ZNF407: variants seen among roughly 807,000 people sequenced by gnomAD.
ZNF407 encodes the protein zinc finger protein 407.
A neutral mutation model predicts 131.2 loss-of-function variants in ZNF407; 17 were observed. The observed-to-expected ratio is 0.13, with a 90% CI of 0.09 to 0.19. The LOEUF (loss-of-function observed/expected upper bound fraction) is 0.19. Among genes scored for constraint, ZNF407 ranks in the 10% least tolerant of loss-of-function variants. The pLI is 1.00. For missense variants in ZNF407, 2,681 were observed against 2,830.6 expected (o/e 0.95, Z 1.20); for synonymous variants, 1,156 against 1,062.0 (o/e 1.09, Z -1.72).
At chr18:74,978,849 G>C (rs1202322953) in intron 8 of ZNF407, among the ~76,000 whole-genome samples, 2 of 152,254 alleles carry the variant, frequency 1.3e-5, no homozygotes, top group East Asian at 3.9e-4. Context: ...GCCCGGGATT[G>C]AGTATATCAT....
At chr18:74,821,540 G>A (rs996468904) in intron 4 of ZNF407, among the ~76,000 whole-genome samples, 4 of 151,760 alleles carry the variant, frequency 2.6e-5, no homozygotes, top group Non-Finnish European at 4.4e-5. Context: ...CTGTTCTTGT[G>A]TGAGTTTGCT....
chr18:74,805,119 G>A (rs1045236763), intron 4 of ZNF407, among the ~76,000 whole-genome samples: 7 of 152,146 alleles, frequency 4.6e-5, no homozygotes, highest in African/African-American at 7.2e-5. Context: ...GTTATAGGAG[G>A]TGCATTTTTG....
intron 8 of ZNF407, among the ~76,000 whole-genome samples, chr18:75,031,249 A>G (rs751121914): frequency 5.3e-5 from 8 of 152,242 alleles, no homozygotes; most frequent in Non-Finnish European, 1.0e-4. Flanking sequence ...AGCTTCAGGT[A>G]ACAGGAAAAC....
In ZNF407 at chr18:74,837,792, T is replaced by TA. The variant is rs566808676; in HGVS notation, c.4878-39404dup. On this transcript the variant is annotated intron_variant, in intron 4 of 8. Coordinates refer to ENST00000299687, the MANE Select transcript of ZNF407 (RefSeq NM_017757.3). ...CTCAGCCTTCTGAGTAGCTGAGACT[T>TA]ACAGGTATCCACCATCACACCCAGC... Among the ~76,000 whole-genome samples, 44 of 152,218 alleles carry TA rather than the reference T, an allele frequency of 2.9e-4. No homozygotes were observed. The East Asian group carries it at 7.4e-3, about 25-fold the overall frequency.
chr18:74,924,387 C>G (rs1367740101), intron 8 of ZNF407, among the ~76,000 whole-genome samples: 1 of 151,862 alleles, frequency 6.6e-6, no homozygotes, highest in African/African-American at 2.4e-5. Flanking sequence ...TAGGCCCAAT[C>G]TAGGTCTAAT....
At chr18:74,971,102 G>C (rs1452896468) in intron 8 of ZNF407, among the ~76,000 whole-genome samples, 1 of 152,182 alleles carries the variant, frequency 6.6e-6, no homozygotes, top group Admixed American at 6.5e-5. Context: ...GGAGTGGCTG[G>C]GACACAGGGC....
At chr18:74,619,896 T>C (rs1983447076) in intron 1 of ZNF407, among the ~76,000 whole-genome samples, 1 of 152,192 alleles carries the variant, frequency 6.6e-6, no homozygotes, top group African/African-American at 2.4e-5. Context: ...AAAACAACCT[T>C]TTTCAAATGG....
chr18:74,965,809 CT>C (rs1972402860), intron 8 of ZNF407, among the ~76,000 whole-genome samples: 1 of 152,182 alleles, frequency 6.6e-6, no homozygotes, highest in Non-Finnish European at 1.5e-5. Flanking sequence ...TCCACATTTT[CT>C]TTGGCATTTT....
chr18:74,972,176 A>G (rs1972480251), intron 8 of ZNF407, among the ~76,000 whole-genome samples: 1 of 152,094 alleles, frequency 6.6e-6, no homozygotes, highest in Non-Finnish European at 1.5e-5. Context: ...GACAAACCAT[A>G]TCACCTCCCT....
intron 4 of ZNF407, among the ~76,000 whole-genome samples, chr18:74,814,380 C>T (rs1970239208): frequency 6.6e-6 from 1 of 152,170 alleles, no homozygotes; most frequent in Non-Finnish European, 1.5e-5. Flanking sequence ...CTGCCTCAGC[C>T]TCCCACAGTG....
intron 7 of ZNF407, among the ~76,000 whole-genome samples, chr18:74,915,462 T>C (rs1278349090): frequency 2.0e-5 from 2 of 101,050 alleles, no homozygotes; most frequent in African/African-American, 3.9e-5. Context: ...GTGTGCAGCA[T>C]TGGTTCGAAT....
intron 4 of ZNF407, among the ~76,000 whole-genome samples, chr18:74,851,207 G>T (rs1310346318): frequency 6.6e-6 from 1 of 152,178 alleles, no homozygotes; most frequent in Non-Finnish European, 1.5e-5. Context: ...TTGTACAGTT[G>T]TTCTTGGGAA....
intron 3 of ZNF407, among the ~76,000 whole-genome samples, chr18:74,662,659 A>G (rs1469087024): frequency 6.6e-6 from 1 of 152,236 alleles, no homozygotes; most frequent in Non-Finnish European, 1.5e-5. Context: ...GTGTAAACCA[A>G]GCCAGGCATA....
chr18:74,894,133 A>G (rs1971422721), intron 7 of ZNF407, among the ~76,000 whole-genome samples: 1 of 152,118 alleles, frequency 6.6e-6, no homozygotes, highest in Non-Finnish European at 1.5e-5. Context: ...TTAGGCAATG[A>G]CATCTCATTC....
intron 3 of ZNF407, among the ~76,000 whole-genome samples, chr18:74,648,261 A>G (rs1004034346): frequency 6.6e-6 from 1 of 152,290 alleles, no homozygotes; most frequent in Admixed American, 6.5e-5. Flanking sequence ...AGCCCATTCC[A>G]GGCGGGGGTT....
At chr18:74,871,757 A>G (rs1971090177) in intron 4 of ZNF407, among the ~76,000 whole-genome samples, 1 of 152,204 alleles carries the variant, frequency 6.6e-6, no homozygotes. Context: ...AGAAGTTAAG[A>G]AATATTTGAT....
At chr18:74,667,082 G>A (rs1325872790) in intron 3 of ZNF407, among the ~76,000 whole-genome samples, 1 of 152,128 alleles carries the variant, frequency 6.6e-6, no homozygotes, top group African/African-American at 2.4e-5. Flanking sequence ...GTCACTTGAT[G>A]ATCTGTTGGT....
chr18:74,669,414 C>T (rs543045414), intron 3 of ZNF407, among the ~76,000 whole-genome samples: 14 of 152,314 alleles, frequency 9.2e-5, no homozygotes, highest in African/African-American at 2.2e-4. Flanking sequence ...CCACTACCAG[C>T]GGTGGTGGGA....
At chr18:74,778,098 G>C (rs1969512206) in intron 3 of ZNF407, among the ~76,000 whole-genome samples, 1 of 152,172 alleles carries the variant, frequency 6.6e-6, no homozygotes. Flanking sequence ...AGATGCCTGA[G>C]ATGGCTTTTC....
Sources: allele counts gnomAD v4.1 joint callset (sites outside exome capture counted in the v4.1 genomes callset), GRCh38; gene constraint gnomAD v4.1.1; transcripts MANE v1.5; gene names NCBI Gene and HGNC (gene_info 2026-07-23, HGNC 2026-07-21).